Variants in ITLN2 observed in about 807,000 individuals in gnomAD.
The protein encoded by ITLN2 is intelectin 2, also known as intelectin-2.
A neutral mutation model predicts 39.4 loss-of-function variants in ITLN2; 29 were observed. That is an observed-to-expected ratio of 0.74 (90% confidence interval 0.55 to 1.00). The LOEUF (loss-of-function observed/expected upper bound fraction) is 1.00. ITLN2 is among the 50% of genes least tolerant of loss of function. The pLI is 0.00. For synonymous variants in ITLN2, 156 were observed against 153.4 expected (o/e 1.02, Z -0.12); for missense variants, 412 against 416.7 (o/e 0.99, Z 0.10).
At position 160,945,083 on chromosome 1, in the gene ITLN2, C is replaced by G. The variant is rs1238279090; in HGVS notation, c.*57G>C. The stretch of plus-strand genomic sequence containing the variant: ...CTTGTTAGAATTCCAGTTTTTCCGT[C>G]TCCAAATAGCCGGGGTTGGAAGATG... On this transcript the variant is annotated 3_prime_UTR_variant, in exon 8 of 8. Transcript: ENST00000368029. 6.7e-7 allele frequency: 1 copy of G among 1,487,412 alleles called. No individual in the cohort carries two copies. The highest frequency in any genetic ancestry group is 9.0e-7 in the Non-Finnish European group (1 of 1,116,306). The allele number at this position is 1,487,412 out of a possible 1,614,324, so 92.1% of individuals were successfully genotyped here.
Position 160,951,873 on chromosome 1 carries a change from C to A in ITLN2, c.194-583G>T, listed in dbSNP as rs139210766. 4.0e-3 allele frequency among the ~76,000 whole-genome samples: 608 copies of A among 152,334 alleles called. 4 individuals are homozygous for A. Among genetic ancestry groups the A allele is most frequent in the Non-Finnish European group, 6.3e-3 (429 of 68,032 alleles). ...TGCAACAAGGTCACTTCTCACCCCCCTTCCCATCTTTCGTGGAGGCTGTCA... is the reference window on the plus strand; with the variant it reads ...TGCAACAAGGTCACTTCTCACCCCCATTCCCATCTTTCGTGGAGGCTGTCA... On this transcript the variant is annotated intron_variant, in intron 3 of 7. Coordinates refer to ENST00000368029, the MANE Select transcript of ITLN2 (RefSeq NM_080878.3).
At chr1:160,952,523 C>A in intron 3 of ITLN2, 97 bp downstream of exon 3, 1 of 817,172 alleles carries the variant, frequency 1.2e-6, no homozygotes, top group Non-Finnish European at 2.1e-6. Flanking sequence ...GCAGAACAGG[C>A]TCCATATGGA....
Position 160,954,392 on chromosome 1 carries a change from C to A in ITLN2, c.74G>T (p.Ser25Ile). The change falls in exon 2 of 8, where the codon AGT (serine) becomes ATT (isoleucine). Residue 25 changes from serine to isoleucine, a missense_variant. Transcript: ENST00000368029. ...TACTCTCAGAAGCCATTTACCTGCA[C>A]TGCACCCACTGGTGGCCACAGAGAA... ...LFFSVATSGC[S>I]AAAASSLEML... 1 of 1,572,240 alleles carries A rather than the reference C, an allele frequency of 6.4e-7. No individual in the cohort carries two copies. The highest frequency in any genetic ancestry group is 1.2e-5 in the South Asian group (1 of 85,550).
intron 3 of ITLN2, 91 bp from the exon 4 acceptor site, chr1:160,951,381 C>T (rs1033601399): frequency 5.4e-6 from 8 of 1,492,232 alleles, no homozygotes; most frequent in Non-Finnish European, 7.2e-6. Flanking sequence ...AAGTCAAAAG[C>T]ACACTCAGAA....
chr1:160,953,037 T>C (rs1169851646), intron 2 of ITLN2, among the ~76,000 whole-genome samples: 1 of 152,052 alleles, frequency 6.6e-6, no homozygotes, highest in African/African-American at 2.4e-5. Flanking sequence ...GGGACCCAAC[T>C]GAGATGGGAG....
chr1:160,951,409 G>C, intron 3 of ITLN2, 119 bp from the exon 4 acceptor site: 1 of 1,334,436 alleles, frequency 7.5e-7, no homozygotes, highest in South Asian at 1.5e-5. Flanking sequence ...ACACATACTT[G>C]CTGGAAGACG....
chr1:160,954,380 C>T lies in ITLN2; in HGVS notation c.79+7G>A, dbSNP rs1211271737. The T allele has an allele frequency of 6.4e-7, 1 of 1,565,022 alleles. No individual in the cohort carries two copies. The highest frequency in any genetic ancestry group is 2.3e-5 in the East Asian group (1 of 43,412). On this transcript the variant is annotated splice_region_variant and intron_variant, in intron 2 of 7. Transcript: ENST00000368029. ...AACTGCAGCTCCTACTCTCAGAAGCCATTTACCTGCACTGCACCCACTGGT... is the reference window on the plus strand; with the variant it reads ...AACTGCAGCTCCTACTCTCAGAAGCTATTTACCTGCACTGCACCCACTGGT...
Position 160,951,104 on chromosome 1 carries a change from C to T in ITLN2, c.380G>A (p.Gly127Asp), listed in dbSNP as rs1365475121. ...AAAGGTGTTGTAGTTGGCCCAGTTGCCATCCCCCTCTGGGTAGTCTGCTTT... is the reference window on the plus strand; with the variant it reads ...AAAGGTGTTGTAGTTGGCCCAGTTGTCATCCCCCTCTGGGTAGTCTGCTTT... ...GNKADYPEGD[G>D]NWANYNTFGS... The change falls in exon 4 of 8, where the codon GGC becomes GAC. Residue 127 changes from glycine to aspartate, a missense_variant. Coordinates refer to ENST00000368029, the MANE Select transcript of ITLN2 (RefSeq NM_080878.3). 1.2e-6 allele frequency: 2 copies of T among 1,614,058 alleles called. No homozygotes were observed. The highest frequency in any genetic ancestry group is 1.7e-6 in the Non-Finnish European group (2 of 1,180,042).
chr1:160,945,177 T>C lies in ITLN2; in HGVS notation c.941A>G (p.Glu314Gly), dbSNP rs915107444. 2 of 1,606,302 alleles carry C rather than the reference T, an allele frequency of 1.2e-6. No homozygotes were observed. The highest frequency in any genetic ancestry group is 1.7e-6 in the Non-Finnish European group (2 of 1,178,066). The change falls in exon 8 of 8, where the codon GAG becomes GGG. Residue 314 changes from glutamate (E) to glycine (G), a missense_variant. Transcript: ENST00000368029. ...CAAGAGTACAGCCGCCTCCGTTATC[T>C]CCCGACTGCAGCTGCTCTTAACGTG... ...GTHVKSSCSR[E>G]ITEAAVLLFY...
At chr1:160,951,558 A>C (rs1671746389) in intron 3 of ITLN2, 1 of 404,552 alleles carries the variant, frequency 2.5e-6, no homozygotes, top group Non-Finnish European at 4.4e-6. Flanking sequence ...CGACAGTGCC[A>C]CCCTGTGGCC....
Position 160,953,093 on chromosome 1 carries a change from G to A in ITLN2, c.80-360C>T, listed in dbSNP as rs12145328. ...TGAGGCCTGGGAACTGCTGGGGAAG[G>A]GACCAGCTGTAACTCAGAGCAGGCT... On this transcript the variant is annotated intron_variant, in intron 2 of 7. Coordinates refer to ENST00000368029, the MANE Select transcript of ITLN2 (RefSeq NM_080878.3). 7.0e-3 allele frequency among the ~76,000 whole-genome samples: 1,059 copies of A among 152,244 alleles called. 5 individuals are homozygous for A. Among genetic ancestry groups the A allele is most frequent in the Non-Finnish European group, 0.012 (820 of 68,008 alleles).
At chr1:160,945,431 G>A in intron 7 of ITLN2, 139 bp from the exon 8 acceptor site, 3 of 674,362 alleles carry the variant, frequency 4.4e-6, no homozygotes, top group Admixed American at 3.6e-5. Flanking sequence ...ACAGGTGTGA[G>A]CTACCACACC....
In ITLN2 at chr1:160,951,268, G is replaced by C; in HGVS notation, c.216C>G (p.Thr72=). 1 of 1,592,506 alleles carries C rather than the reference G, an allele frequency of 6.3e-7. No individual in the cohort carries two copies. The highest frequency in any genetic ancestry group is 8.6e-7 in the Non-Finnish European group (1 of 1,167,978). ...SAGDGLYFLR[T]KNGVVYQTFC... is the part of the protein sequence containing the mutation. ...AGGTCTGGTAGACAACACCATTCTT[G>C]GTGCGGAGAAAATACAGGCCATCTG... The change falls in exon 4 of 8, where the codon ACC becomes ACG. Residue 72 remains threonine (T), a synonymous_variant. Coordinates refer to ENST00000368029, the MANE Select transcript of ITLN2 (RefSeq NM_080878.3).
Position 160,945,282 on chromosome 1 carries a change from C to T in ITLN2, c.836G>A (p.Gly279Asp). 4 of 1,567,600 alleles carry T rather than the reference C, an allele frequency of 2.6e-6. No individual in the cohort carries two copies. The highest frequency in any genetic ancestry group is 3.4e-6 in the Non-Finnish European group (4 of 1,166,682). ...GCCCTGTGGGAAGAACCCTCCTCCA[C>T]CGATGCAGTGCTGGGAAACAGAAAG... ...TGCNTEHHCI[G>D]GGGFFPQGKP... Residue 279 changes from glycine (G) to aspartate (D), a missense_variant, in exon 8 of 8, where the codon GGT (glycine) becomes GAT (aspartate). By Grantham distance (94) the Gly-to-Asp change is moderately conservative. Coordinates refer to ENST00000368029, the MANE Select transcript of ITLN2 (RefSeq NM_080878.3).
intron 7 of ITLN2, among the ~76,000 whole-genome samples, chr1:160,946,609 A>C (rs1186257212): frequency 6.6e-6 from 1 of 151,746 alleles, no homozygotes; most frequent in Non-Finnish European, 1.5e-5. Context: ...GCAACTCGGG[A>C]GGCTGAGGCA....
At chr1:160,950,879 C>T in intron 4 of ITLN2, 164 bp downstream of exon 4, 1 of 1,486,092 alleles carries the variant, frequency 6.7e-7, no homozygotes, top group Non-Finnish European at 9.2e-7. Flanking sequence ...ACCCAGGGCC[C>T]TAACAGCCTT....
At chr1:160,952,278 A>G (rs566973089) in intron 3 of ITLN2, among the ~76,000 whole-genome samples, 1 of 152,304 alleles carries the variant, frequency 6.6e-6, no homozygotes, top group East Asian at 1.9e-4. Flanking sequence ...GGCTACTGCT[A>G]TTTCTGTGAT....
chr1:160,950,852 C>A (rs764319588), intron 4 of ITLN2, 141 bp from the exon 5 acceptor site: 2 of 1,456,514 alleles, frequency 1.4e-6, no homozygotes, highest in Non-Finnish European at 1.9e-6. Flanking sequence ...CCACTCCCAG[C>A]TGATGATCCC....
rs1671769810 is a variant in ITLN2, at chr1:160,952,611, A to C, written c.193+9T>G. 1.9e-6 allele frequency: 3 copies of C among 1,596,684 alleles called. No individual in the cohort carries two copies. In the East Asian group the frequency reaches 6.7e-5, roughly 36 times the overall value. On this transcript the variant is annotated intron_variant, in intron 3 of 7. Transcript: ENST00000368029. ...CAAAGAGAGAATGCTGAGTTGGTTC[A>C]TTACTCACCACCTGCACTATGGCAG...
Sources: gnomAD v4.1 joint callset for allele counts (sites outside exome capture counted in the v4.1 genomes callset) on GRCh38, gnomAD v4.1.1 for gene constraint, MANE v1.5 for transcripts, NCBI Gene and HGNC (gene_info 2026-07-23, HGNC 2026-07-21) for gene names.